The following PLCG2 variants were observed in gnomAD, a reference collection of about 807,000 sequenced individuals.
PLCG2 encodes the protein 1-phosphatidylinositol 4,5-bisphosphate phosphodiesterase gamma-2.
Under a neutral mutation model 175.6 loss-of-function variants are expected in PLCG2, and 69 were observed. That is an observed-to-expected ratio of 0.39 (90% CI 0.32 to 0.48). The LOEUF is 0.48. Ranked by LOEUF, PLCG2 falls within the 20% of genes least tolerant of loss-of-function variation. PLCG2 has a pLI of 0.91. For missense variants in PLCG2, 1,798 were observed against 1,650.9 expected (o/e 1.09, Z -1.54); for synonymous variants, 827 against 624.0 (o/e 1.33, Z -4.85).
chr16:81,865,996 G>A (rs1376731579), intron 5 of PLCG2, among the ~76,000 whole-genome samples: 2 of 131,802 alleles, frequency 1.5e-5, no homozygotes, highest in Admixed American at 7.6e-5. Flanking sequence ...GTGAGAGGAC[G>A]CTGGCCTCTC....
chr16:81,785,818 G>A, intron 1 of PLCG2, 125 bp from the exon 2 acceptor site: 1 of 617,424 alleles, frequency 1.6e-6, no homozygotes. Flanking sequence ...CTTGCCACTA[G>A]AACCTTCTCC....
chr16:81,783,147 T>C (rs1168976029), intron 1 of PLCG2: 3 of 491,040 alleles, frequency 6.1e-6, no homozygotes, highest in African/African-American at 1.9e-5. Context: ...GGTGTTATAA[T>C]GGGGCTTGTG....
intron 2 of PLCG2, among the ~76,000 whole-genome samples, chr16:81,769,568 A>G (rs1031720003): frequency 2.6e-5 from 4 of 151,980 alleles, no homozygotes; most frequent in African/African-American, 9.7e-5. Flanking sequence ...TAATCCCAGC[A>G]CTTTGGGAGG....
intron 2 of PLCG2, among the ~76,000 whole-genome samples, chr16:81,806,861 C>G (rs1231581264): frequency 6.6e-6 from 1 of 151,708 alleles, no homozygotes; most frequent in Non-Finnish European, 1.5e-5. Flanking sequence ...TGGGGATAGC[C>G]AGCCAAGCAG....
chr16:81,951,896 A>C (rs992955484), intron 31 of PLCG2, among the ~76,000 whole-genome samples: 11 of 152,216 alleles, frequency 7.2e-5, no homozygotes, highest in Admixed American at 1.3e-4. Flanking sequence ...TTGTATACAA[A>C]TTTAAACTGT....
chr16:81,904,542 G>A (rs1299276323), intron 14 of PLCG2, among the ~76,000 whole-genome samples: 1 of 152,200 alleles, frequency 6.6e-6, no homozygotes, highest in East Asian at 1.9e-4. Flanking sequence ...TTGCACCCCG[G>A]TCGCCTTAGT....
intron 2 of PLCG2, among the ~76,000 whole-genome samples, chr16:81,821,338 C>T (rs1232049785): frequency 6.6e-6 from 1 of 152,228 alleles, no homozygotes; most frequent in Non-Finnish European, 1.5e-5. Context: ...CAAACCACCC[C>T]AAGGCATAGT....
At chr16:81,828,958 GT>G (rs780479230) in intron 2 of PLCG2, among the ~76,000 whole-genome samples, 4 of 152,152 alleles carry the variant, frequency 2.6e-5, no homozygotes, top group Non-Finnish European at 5.9e-5. Flanking sequence ...TGAATTTCCT[GT>G]GTGGGCCATT....
intron 7 of PLCG2, among the ~76,000 whole-genome samples, chr16:81,878,509 G>A (rs1455661278): frequency 6.6e-6 from 1 of 152,092 alleles, no homozygotes; most frequent in Non-Finnish European, 1.5e-5. Context: ...TTGATCACCT[G>A]TGCCCCATAC....
chr16:81,798,315 G>A (rs1221956974), intron 2 of PLCG2, among the ~76,000 whole-genome samples: 2 of 152,156 alleles, frequency 1.3e-5, no homozygotes, highest in Non-Finnish European at 2.9e-5. Context: ...TTTGCGTGGG[G>A]GACATGGGAC....
chr16:81,869,679 C>T lies in PLCG2; in HGVS notation c.564+381C>T, dbSNP rs575126862. 1.4e-4 allele frequency among the ~76,000 whole-genome samples: 22 copies of T among 152,236 alleles called. No homozygotes were observed. In the South Asian group the frequency reaches 4.4e-3, roughly 30 times the overall value. On this transcript the variant is annotated intron_variant, in intron 6 of 32. Coordinates refer to ENST00000564138, the MANE Select transcript of PLCG2 (RefSeq NM_002661.5). ...GATTCCTTGTGTAGGGTACCAGGAC[C>T]GTGGCATTTTGTATGCAAGTCCTGG...
chr16:81,926,887 T>C (rs1298128985), intron 22 of PLCG2, among the ~76,000 whole-genome samples, 195 bp from the exon 23 acceptor site: 9 of 152,312 alleles, frequency 5.9e-5, no homozygotes, highest in African/African-American at 2.2e-4. Flanking sequence ...CCCCAGTAAC[T>C]CATTAGTAAT....
intron 16 of PLCG2, 76 bp from the exon 17 acceptor site, chr16:81,908,340 A>G: frequency 1.5e-6 from 2 of 1,357,022 alleles, no homozygotes. Context: ...GGTCAGGGTG[A>G]GACAGAAGGA....
chr16:81,835,855 C>G (rs559100586), intron 2 of PLCG2, among the ~76,000 whole-genome samples: 1 of 152,114 alleles, frequency 6.6e-6, no homozygotes, highest in Admixed American at 6.5e-5. Flanking sequence ...CCTGGGTGTC[C>G]CTTGGCTGGT....
At chr16:81,805,405 A>G (rs370472884) in intron 2 of PLCG2, among the ~76,000 whole-genome samples, 2 of 150,320 alleles carry the variant, frequency 1.3e-5, no homozygotes, top group East Asian at 2.0e-4. Flanking sequence ...AGGCTGAGGC[A>G]GGAGAATGGC....
intron 2 of PLCG2, among the ~76,000 whole-genome samples, chr16:81,845,121 T>C (rs1013854362): frequency 6.6e-6 from 1 of 152,142 alleles, no homozygotes; most frequent in African/African-American, 2.4e-5. Context: ...GTATTTTTTT[T>C]TAGAGATGGG....
intron 31 of PLCG2, among the ~76,000 whole-genome samples, chr16:81,947,424 C>G (rs959257705): frequency 7.9e-5 from 12 of 152,196 alleles, no homozygotes; most frequent in African/African-American, 2.9e-4. Context: ...GCATTTCTGT[C>G]CACACTGGGA....
intron 7 of PLCG2, among the ~76,000 whole-genome samples, chr16:81,879,302 G>A (rs2143562537): frequency 1.3e-5 from 2 of 152,278 alleles, no homozygotes; most frequent in East Asian, 1.9e-4. Flanking sequence ...AGTCCAAATA[G>A]CAACATGCCC....
intron 2 of PLCG2, among the ~76,000 whole-genome samples, chr16:81,821,795 C>A (rs535463300): frequency 6.6e-6 from 1 of 152,134 alleles, no homozygotes; most frequent in Non-Finnish European, 1.5e-5. Flanking sequence ...AACTTCCTAC[C>A]CAAAAGAAAA....
Sources: allele counts gnomAD v4.1 joint callset (sites outside exome capture counted in the v4.1 genomes callset), GRCh38; gene constraint gnomAD v4.1.1; transcripts MANE v1.5; gene names NCBI Gene and HGNC (gene_info 2026-07-23, HGNC 2026-07-21).